BIN1: variants seen among roughly 807,000 people sequenced by gnomAD.
BIN1 encodes myc box-dependent-interacting protein 1.
A neutral mutation model predicts 82.0 loss-of-function variants in BIN1; 53 were observed. That is an observed-to-expected ratio of 0.65 (90% CI 0.52 to 0.81). The LOEUF is 0.81. BIN1 is among the 40% of genes least tolerant of loss of function. The pLI, the probability that BIN1 is intolerant of heterozygous loss-of-function variation, is 0.00. For missense variants in BIN1, 642 were observed against 784.4 expected, an observed-to-expected ratio of 0.82 and a Z score of 2.17; for synonymous variants, 302 against 328.0, an observed-to-expected ratio of 0.92 and a Z score of 0.86.
Position 127,083,925 on chromosome 2 carries a change from TG to T in BIN1, c.85-7220del, listed in dbSNP as rs1188396865. Among the ~76,000 whole-genome samples, 10 of 152,322 alleles carry T rather than the reference TG, an allele frequency of 6.6e-5. No individual in the cohort carries two copies. The East Asian group carries it at 1.9e-3, about 29-fold the overall frequency. ...CTGAGCCTTCCCACCGCACCACAGC[TG>T]TGTTAGGCTTGACCGCCGGGTCTGA... is the stretch of plus-strand genomic sequence containing the variant. On this transcript the variant is annotated intron_variant, in intron 1 of 18. Coordinates refer to ENST00000316724, the MANE Select transcript of BIN1 (RefSeq NM_139343.3).
intron 2 of BIN1, among the ~76,000 whole-genome samples, chr2:127,075,144 C>T (rs1686422551): frequency 6.6e-6 from 1 of 152,200 alleles, no homozygotes; most frequent in South Asian, 2.1e-4. Context: ...GATTTCAATC[C>T]CCAACACCCA....
chr2:127,087,424 C>G (rs1229511631), intron 1 of BIN1, among the ~76,000 whole-genome samples: 1 of 152,254 alleles, frequency 6.6e-6, no homozygotes, highest in Non-Finnish European at 1.5e-5. Flanking sequence ...AAATTCCAGC[C>G]GGTTCTGTAG....
intron 10 of BIN1, among the ~76,000 whole-genome samples, chr2:127,061,450 A>G (rs1684477164): frequency 6.6e-6 from 1 of 152,154 alleles, no homozygotes; most frequent in Admixed American, 6.5e-5. Flanking sequence ...GTATGCACAC[A>G]CTTACACCTG....
intron 2 of BIN1, among the ~76,000 whole-genome samples, chr2:127,076,250 C>T (rs1037242105): frequency 4.6e-5 from 7 of 152,156 alleles, no homozygotes; most frequent in Non-Finnish European, 8.8e-5. Flanking sequence ...CCTGCTCCGC[C>T]CCCATGCTAA....
In BIN1 at chr2:127,068,807, A is replaced by G. The variant is rs1685488430; in HGVS notation, c.519+117T>C. ...CCGGCCTGGGCCCTGTATCGTCCCCACCCCCAGTTCAGCCACCTGGGGCCA... is the reference window on the plus strand; with the variant it reads ...CCGGCCTGGGCCCTGTATCGTCCCCGCCCCCAGTTCAGCCACCTGGGGCCA... On this transcript the variant is annotated intron_variant, in intron 6 of 18. Coordinates refer to ENST00000316724, the MANE Select transcript of BIN1 (RefSeq NM_139343.3). The surrounding 1 kb of genome is among the most constrained non-coding windows in gnomAD (Gnocchi z 4.9). 2.0e-6 allele frequency: 2 copies of G among 997,170 alleles called. No homozygotes were observed. Among genetic ancestry groups the G allele is most frequent in the East Asian group, 2.5e-5 (1 of 40,354 alleles). The allele number at this position is 997,170 out of a possible 1,614,324, so 61.8% of individuals were successfully genotyped here.
intron 1 of BIN1, among the ~76,000 whole-genome samples, chr2:127,080,313 C>A (rs1031159428): frequency 6.6e-6 from 1 of 152,196 alleles, no homozygotes; most frequent in Non-Finnish European, 1.5e-5. Flanking sequence ...AGCTCACAGG[C>A]AGACCACTGA....
intron 1 of BIN1, among the ~76,000 whole-genome samples, chr2:127,089,698 A>C (rs1349793518): frequency 6.6e-6 from 1 of 151,992 alleles, no homozygotes; most frequent in Non-Finnish European, 1.5e-5. Context: ...CAGGGCATCT[A>C]GTCTGGGCAG....
At position 127,058,120 on chromosome 2, in the gene BIN1, C is replaced by T. The variant is rs570065029; in HGVS notation, c.1003-519G>A. On this transcript the variant is annotated intron_variant, in intron 11 of 18. Coordinates refer to ENST00000316724, the MANE Select transcript of BIN1 (RefSeq NM_139343.3). ...TGTATCCCAGAGGAAGCCAGCGTGG[C>T]ACCAGGATGGGGCAGAGGCCACACC... Among the ~76,000 whole-genome samples the T allele has an allele frequency of 2.6e-4, 39 of 152,308 alleles. 1 individual carries two copies. Among genetic ancestry groups the T allele is most frequent in the Middle Eastern group, 6.8e-3 (2 of 294 alleles).
chr2:127,049,784 C>T (rs1390084379), intron 18 of BIN1, among the ~76,000 whole-genome samples: 1 of 152,236 alleles, frequency 6.6e-6, no homozygotes, highest in African/African-American at 2.4e-5. Context: ...GGGTCCCAGA[C>T]CTAGGAGGGA....
chr2:127,062,221 TG>T (rs778342815), intron 9 of BIN1, 24 bp from the exon 10 acceptor site: 2 of 1,580,186 alleles, frequency 1.3e-6, no homozygotes, highest in Non-Finnish European at 1.7e-6. Flanking sequence ...AGTGAGGAGG[TG>T]GGGGGCCTCC....
intron 7 of BIN1, among the ~76,000 whole-genome samples, chr2:127,064,480 C>T (rs1684899655): frequency 6.6e-6 from 1 of 152,218 alleles, no homozygotes; most frequent in South Asian, 2.1e-4. Context: ...ATTGCCCCCG[C>T]CCCTGAGTGC....
intron 1 of BIN1, among the ~76,000 whole-genome samples, chr2:127,083,430 A>T (rs1687555817): frequency 6.6e-6 from 1 of 152,192 alleles, no homozygotes; most frequent in Non-Finnish European, 1.5e-5. Context: ...TTGCCCAGCC[A>T]ACAGAAGGTA....
In BIN1 at chr2:127,051,155, G is replaced by A; in HGVS notation, c.1460C>T (p.Ser487Phe). 6.2e-7 allele frequency: 1 copy of A among 1,613,500 alleles called. No homozygotes were observed. Among genetic ancestry groups the A allele is most frequent in the Non-Finnish European group, 8.5e-7 (1 of 1,179,910 alleles). Reference protein sequence around the residue: ...PGETAASEAASSSLPAVVVET... With the variant: ...PGETAASEAAFSSLPAVVVET... The stretch of plus-strand genomic sequence containing the variant: ...AGGGCTTTGTCCCTGCTGTCTTACG[G>A]AGGCTGCTTCACTTGCCGCCGTCTC... The change falls in exon 16 of 19, where the codon TCC (serine) becomes TTC (phenylalanine). Residue 487 changes from serine to phenylalanine, a missense_variant and splice_region_variant. Ser to Phe is a radical substitution (Grantham distance 155). Coordinates refer to ENST00000316724, the MANE Select transcript of BIN1 (RefSeq NM_139343.3).
Position 127,057,559 on chromosome 2 carries a change from G to C in BIN1, c.1045C>G (p.Pro349Ala), listed in dbSNP as rs768678908. ...TGCTCCTGCTTGACTTCCTTGGACG[G>C]GGTGTGTTTGGGAGGCGGAGGGACT... Reference protein sequence around the residue: ...PPVPPPPKHTPSKEVKQEQIL... With the variant: ...PPVPPPPKHTASKEVKQEQIL... Residue 349 changes from proline to alanine, a missense_variant, in exon 12 of 19, where the codon CCG becomes GCG. Pro to Ala is a conservative substitution (Grantham distance 27). Coordinates refer to ENST00000316724, the MANE Select transcript of BIN1 (RefSeq NM_139343.3). The surrounding 1 kb of genome is among the most constrained non-coding windows in gnomAD (Gnocchi z 5.0). 1 of 1,542,814 alleles carries C rather than the reference G, an allele frequency of 6.5e-7. No individual in the cohort carries two copies. The highest frequency in any genetic ancestry group is 1.2e-5 in the South Asian group (1 of 83,242).
intron 10 of BIN1, chr2:127,060,789 C>CT: frequency 9.3e-7 from 1 of 1,073,366 alleles, no homozygotes; most frequent in Non-Finnish European, 1.4e-6. Flanking sequence ...TTGCACAGGG[C>CT]CTGGGCGTGC....
At chr2:127,062,592 T>C (rs945519092) in intron 9 of BIN1, among the ~76,000 whole-genome samples, 1 of 152,224 alleles carries the variant, frequency 6.6e-6, no homozygotes, top group Admixed American at 6.5e-5. Context: ...GATATTTCAC[T>C]GAAAGCACAG....
rs370728071 is a variant in BIN1 at position 127,053,947 on chromosome 2, C to T, written c.1197G>A (p.Pro399=). The change falls in exon 13 of 19, where the codon CCG becomes CCA. Residue 399 remains proline, a synonymous_variant. Coordinates refer to ENST00000316724, the MANE Select transcript of BIN1 (RefSeq NM_139343.3). ...SLLDLDFDPL[P]PVTSPVKAPT... ...GTGCCTTCACAGGGCTCGTCACGGG[C>T]GGGAGGGGGTCAAAGTCCAGGTCCA... 1.1e-4 allele frequency: 170 copies of T among 1,551,506 alleles called. 1 individual carries two copies. Among genetic ancestry groups the T allele is most frequent in the South Asian group, 1.5e-4 (13 of 84,066 alleles).
rs957522563 is a variant in BIN1, at chr2:127,082,784, C to T, written c.85-6078G>A. On this transcript the variant is annotated intron_variant, in intron 1 of 18. Transcript: ENST00000316724. The surrounding 1 kb of genome is among the most constrained non-coding windows in gnomAD (Gnocchi z 6.1). ...TGCTCACACCTCCCCATCCCCACTC[C>T]GACAGTGGAGCCACCTAAGCCTGCT... Among the ~76,000 whole-genome samples the T allele has an allele frequency of 1.3e-5, 2 of 151,946 alleles. No homozygotes were observed. Among genetic ancestry groups the T allele is most frequent in the Non-Finnish European group, 1.5e-5 (1 of 67,986 alleles).
rs778006613 is a variant in BIN1 at position 127,082,235 on chromosome 2, G to A, written c.85-5529C>T. On this transcript the variant is annotated intron_variant, in intron 1 of 18. Transcript: ENST00000316724. The surrounding 1 kb of genome is among the most constrained non-coding windows in gnomAD (Gnocchi z 6.1). The stretch of plus-strand genomic sequence containing the variant: ...AATCTTTCCTTGCCCCTCCTCCTCC[G>A]TCGTCTCCCACACACAGCTCGGGTC... Among the ~76,000 whole-genome samples the A allele has an allele frequency of 4.6e-5, 7 of 150,826 alleles. No homozygotes were observed. Among genetic ancestry groups the A allele is most frequent in the East Asian group, 2.0e-4 (1 of 5,072 alleles).
Sources: gnomAD v4.1 joint callset for allele counts (sites outside exome capture counted in the v4.1 genomes callset) on GRCh38, gnomAD v4.1.1 for gene constraint, Gnocchi (gnomAD v3.1) non-coding constraint, MANE v1.5 for transcripts, NCBI Gene and HGNC (gene_info 2026-07-23, HGNC 2026-07-21) for gene names.